Variants in DYNC1I1 observed in about 807,000 individuals in gnomAD.
DYNC1I1 encodes cytoplasmic dynein 1 intermediate chain 1.
Under a neutral mutation model 86.6 loss-of-function variants are expected in DYNC1I1, and 43 were observed. The observed-to-expected ratio is 0.50, with a 90% CI of 0.39 to 0.64. The LOEUF (loss-of-function observed/expected upper bound fraction) is 0.64. DYNC1I1 is among the 30% of genes least tolerant of loss of function. DYNC1I1 has a pLI of 0.00. For synonymous variants in DYNC1I1, 262 were observed against 283.7 expected (o/e 0.92, Z 0.77); for missense variants, 604 against 788.8 (o/e 0.77, Z 2.81).
At chr7:95,838,741 AT>A (rs1261453083) in intron 5 of DYNC1I1, among the ~76,000 whole-genome samples, 4 of 151,578 alleles carry the variant, frequency 2.6e-5, no homozygotes, top group Non-Finnish European at 5.9e-5. Flanking sequence ...TTATGTAGAG[AT>A]TTTTCACCTT....
intron 8 of DYNC1I1, among the ~76,000 whole-genome samples, chr7:95,986,638 C>T (rs1416703210): frequency 6.6e-6 from 1 of 152,050 alleles, no homozygotes; most frequent in Non-Finnish European, 1.5e-5. Flanking sequence ...ATATCATTTC[C>T]GGTCTAAGGA....
chr7:95,802,309 G>A (rs1386794809), intron 1 of DYNC1I1, among the ~76,000 whole-genome samples: 1 of 151,990 alleles, frequency 6.6e-6, no homozygotes, highest in Non-Finnish European at 1.5e-5. Context: ...ATATTTAAAG[G>A]CTACTAAGAG....
chr7:95,872,346 AT>A (rs1359034504), intron 6 of DYNC1I1, among the ~76,000 whole-genome samples: 1 of 152,228 alleles, frequency 6.6e-6, no homozygotes, highest in Admixed American at 6.5e-5. Context: ...GTTGCCCACA[AT>A]GTAAGAAGGC....
chr7:96,029,939 A>G (rs2115973293), intron 11 of DYNC1I1, among the ~76,000 whole-genome samples: 1 of 151,426 alleles, frequency 6.6e-6, no homozygotes. Context: ...AAAAGAAAGG[A>G]AAAAGAAACA....
chr7:95,860,540 C>G (rs1789849663), intron 5 of DYNC1I1, among the ~76,000 whole-genome samples: 1 of 152,312 alleles, frequency 6.6e-6, no homozygotes, highest in East Asian at 1.9e-4. Flanking sequence ...TATGAAGATA[C>G]TCTTTTATTC....
At chr7:95,786,901 G>T (rs918656257) in intron 1 of DYNC1I1, among the ~76,000 whole-genome samples, 3 of 152,052 alleles carry the variant, frequency 2.0e-5, no homozygotes, top group African/African-American at 7.2e-5. Flanking sequence ...CATGTGTGTG[G>T]GTACACACTC....
At chr7:96,073,823 G>T (rs958391346) in intron 14 of DYNC1I1, among the ~76,000 whole-genome samples, 1 of 152,156 alleles carries the variant, frequency 6.6e-6, no homozygotes, top group Non-Finnish European at 1.5e-5. Flanking sequence ...ATATTTACAA[G>T]TAGTCATTGA....
chr7:95,978,987 G>A (rs1793383700), intron 7 of DYNC1I1, among the ~76,000 whole-genome samples: 1 of 152,158 alleles, frequency 6.6e-6, no homozygotes, highest in African/African-American at 2.4e-5. Context: ...GTAGAGACGG[G>A]GTTTCACCAT....
intron 10 of DYNC1I1, among the ~76,000 whole-genome samples, chr7:96,025,173 G>C (rs1794647004): frequency 6.6e-6 from 1 of 152,128 alleles, no homozygotes; most frequent in African/African-American, 2.4e-5. Flanking sequence ...TGAAATGACT[G>C]AATTCTCAAG....
intron 14 of DYNC1I1, among the ~76,000 whole-genome samples, chr7:96,052,396 T>A (rs1789429979): frequency 6.6e-6 from 1 of 152,086 alleles, no homozygotes; most frequent in Non-Finnish European, 1.5e-5. Context: ...GAACAGAGTA[T>A]GGAAAAACAC....
intron 4 of DYNC1I1, among the ~76,000 whole-genome samples, chr7:95,815,301 G>T (rs1301478115): frequency 2.6e-5 from 4 of 152,090 alleles, no homozygotes; most frequent in African/African-American, 9.7e-5. Context: ...CAACACAATA[G>T]TAACTTCAAT....
chr7:96,010,053 T>G (rs1794237915), intron 10 of DYNC1I1, among the ~76,000 whole-genome samples: 2 of 152,084 alleles, frequency 1.3e-5, no homozygotes, highest in Admixed American at 1.3e-4. Flanking sequence ...CGACATTTTA[T>G]TCAGAACAAT....
chr7:95,817,780 G>A (rs192842057), intron 4 of DYNC1I1, among the ~76,000 whole-genome samples: 3 of 152,190 alleles, frequency 2.0e-5, no homozygotes, highest in Admixed American at 1.3e-4. Context: ...ATAGCAACCA[G>A]AAGTGAATCG....
intron 6 of DYNC1I1, among the ~76,000 whole-genome samples, chr7:95,946,612 A>G (rs1184663492): frequency 6.6e-6 from 1 of 152,160 alleles, no homozygotes; most frequent in Non-Finnish European, 1.5e-5. Flanking sequence ...TGAGGGCACC[A>G]TTTTAAAATA....
chr7:95,826,879 G>C (rs1274102825), intron 4 of DYNC1I1, among the ~76,000 whole-genome samples: 1 of 152,182 alleles, frequency 6.6e-6, no homozygotes, highest in Non-Finnish European at 1.5e-5. Context: ...TGAATGGTTA[G>C]AGAGAAGTTT....
chr7:96,100,240 G>C (rs1791107012), downstream of DYNC1I1, among the ~76,000 whole-genome samples: 1 of 152,112 alleles, frequency 6.6e-6, no homozygotes, highest in Non-Finnish European at 1.5e-5. Context: ...TTTGGCTCCA[G>C]GACTTTATGT....
At chr7:96,056,991 C>T (rs1789596586) in intron 14 of DYNC1I1, among the ~76,000 whole-genome samples, 1 of 152,168 alleles carries the variant, frequency 6.6e-6, no homozygotes, top group Non-Finnish European at 1.5e-5. Context: ...CAAACACCTC[C>T]ACCTGCATTT....
chr7:95,841,407 A>T (rs142804697), intron 5 of DYNC1I1, among the ~76,000 whole-genome samples: 5 of 151,896 alleles, frequency 3.3e-5, no homozygotes, highest in African/African-American at 1.2e-4. Context: ...AACCCCTCCC[A>T]GGGAGAATCT....
chr7:95,979,030 G>A (rs894348836), intron 7 of DYNC1I1, among the ~76,000 whole-genome samples: 29 of 152,196 alleles, frequency 1.9e-4, no homozygotes, highest in African/African-American at 6.5e-4. Context: ...TCCTGACCTC[G>A]TGATCCACCC....
Sources: allele counts gnomAD v4.1 joint callset (sites outside exome capture counted in the v4.1 genomes callset), GRCh38; gene constraint gnomAD v4.1.1; transcripts MANE v1.5; gene names NCBI Gene and HGNC (gene_info 2026-07-23, HGNC 2026-07-21).